The following CHST8 variants were observed in gnomAD, a reference collection of about 807,000 sequenced individuals.
CHST8 encodes GALNAC-4-ST1.
A neutral mutation model predicts 15.0 loss-of-function variants in CHST8; 10 were observed. The observed-to-expected ratio is 0.67, with a 90% CI of 0.41 to 1.13. The LOEUF (loss-of-function observed/expected upper bound fraction) is 1.13. Among genes scored for constraint, CHST8 ranks in the 50% most tolerant of loss-of-function variants. The pLI is 0.00. For synonymous variants in CHST8, 259 were observed against 256.6 expected (o/e 1.01, Z -0.09); for missense variants, 634 against 608.2 (o/e 1.04, Z -0.45).
chr19:33,637,619 G>T (rs1428184322), intron 1 of CHST8, among the ~76,000 whole-genome samples: 2 of 149,994 alleles, frequency 1.3e-5, no homozygotes, highest in African/African-American at 4.9e-5. Context: ...AGCCAGGATG[G>T]TCTCGATCTC....
Position 33,772,706 on chromosome 19 carries a change from G to A in CHST8, c.918G>A (p.Val306=). Residue 306 remains valine (V), a synonymous_variant, in exon 5 of 5, where the codon GTG becomes GTA. Coordinates refer to ENST00000650847, the MANE Select transcript of CHST8 (RefSeq NM_001127895.2). ...SREALRTGSG[V]RFPEFVQYLL... ...AGGCCCTGCGGACCGGCTCTGGGGT[G>A]CGTTTTCCCGAGTTCGTCCAGTACC... The A allele has an allele frequency of 6.2e-7, 1 of 1,613,480 alleles. No individual in the cohort carries two copies. Among genetic ancestry groups the A allele is most frequent in the Non-Finnish European group, 8.5e-7 (1 of 1,179,990 alleles).
intron 3 of CHST8, among the ~76,000 whole-genome samples, chr19:33,695,480 T>C (rs965261038): frequency 1.3e-5 from 2 of 152,138 alleles, no homozygotes; most frequent in Admixed American, 6.5e-5. Flanking sequence ...AGTTCTTTAG[T>C]GGTAAATTAG....
chr19:33,772,621 A>T lies in CHST8; in HGVS notation c.833A>T (p.Tyr278Phe). 1.9e-6 allele frequency: 3 copies of T among 1,613,986 alleles called. No individual in the cohort carries two copies. Among genetic ancestry groups the T allele is most frequent in the South Asian group, 2.2e-5 (2 of 91,080 alleles). The change falls in exon 5 of 5, where the codon TAC (tyrosine) becomes TTC (phenylalanine). Residue 278 changes from tyrosine to phenylalanine, a missense_variant. Physicochemically the swap from Tyr to Phe is conservative, Grantham distance 22. Coordinates refer to ENST00000650847, the MANE Select transcript of CHST8 (RefSeq NM_001127895.2). ...GACAAGTTTGAGCACCCCAACAGCTACTATCACCCGGTCTTCGGCAAGGCC... is the reference window on the plus strand; with the variant it reads ...GACAAGTTTGAGCACCCCAACAGCTTCTATCACCCGGTCTTCGGCAAGGCC... Reference protein sequence around the residue: ...FRDKFEHPNSYYHPVFGKAIL... With the variant: ...FRDKFEHPNSFYHPVFGKAIL...
intron 3 of CHST8, among the ~76,000 whole-genome samples, chr19:33,743,989 C>T (rs1974259500): frequency 6.6e-6 from 1 of 151,964 alleles, no homozygotes; most frequent in South Asian, 2.1e-4. Flanking sequence ...CAGGGTTTCA[C>T]CATGTTGACC....
At chr19:33,683,440 G>A (rs540987615) in intron 2 of CHST8, among the ~76,000 whole-genome samples, 10 of 152,136 alleles carry the variant, frequency 6.6e-5, no homozygotes, top group Non-Finnish European at 1.0e-4. Context: ...AGCGGGCCTC[G>A]GGTATTTCAA....
rs149352917 is a variant in CHST8, at chr19:33,638,899, G to T, written c.-164+16603G>T. Among the ~76,000 whole-genome samples, 9 of 152,240 alleles carry T rather than the reference G, an allele frequency of 5.9e-5. No individual in the cohort carries two copies. In the East Asian group the frequency reaches 1.6e-3, roughly 26 times the overall value. On this transcript the variant is annotated intron_variant, in intron 1 of 4. Transcript: ENST00000650847. The stretch of plus-strand genomic sequence containing the variant: ...TCCCTGGTCCATCAGGCAAGAGCTT[G>T]AGGGAGAGGATGTGGATGGGGGGCA...
At chr19:33,677,159 A>AG (rs11331472) in intron 2 of CHST8, among the ~76,000 whole-genome samples, 119 of 151,230 alleles carry the variant, frequency 7.9e-4, no homozygotes, top group Non-Finnish European at 1.3e-3. Context: ...ATCAGCCGGC[A>AG]GGGGGGGGCA....
chr19:33,643,243 T>G (rs1428381563), intron 1 of CHST8, among the ~76,000 whole-genome samples: 1 of 152,174 alleles, frequency 6.6e-6, no homozygotes, highest in Non-Finnish European at 1.5e-5. Context: ...GGAATCTTTG[T>G]TTTTTATTTT....
chr19:33,736,883 A>G (rs183242858), intron 3 of CHST8, among the ~76,000 whole-genome samples: 5 of 152,156 alleles, frequency 3.3e-5, no homozygotes, highest in African/African-American at 4.8e-5. Context: ...CAGGACCCTG[A>G]TGAAAAAACA....
intron 2 of CHST8, among the ~76,000 whole-genome samples, chr19:33,679,163 T>C (rs533630476): frequency 6.6e-6 from 1 of 152,362 alleles, no homozygotes; most frequent in South Asian, 2.1e-4. Flanking sequence ...ACTCACAGAC[T>C]CCTCTCTGTC....
At chr19:33,690,649 T>G (rs902117379) in intron 3 of CHST8, among the ~76,000 whole-genome samples, 22 of 152,176 alleles carry the variant, frequency 1.4e-4, no homozygotes, top group Non-Finnish European at 2.9e-4. Context: ...CTCACGCCTG[T>G]GCCGGGCCCC....
At chr19:33,706,650 T>C (rs1973453669) in intron 3 of CHST8, among the ~76,000 whole-genome samples, 1 of 152,198 alleles carries the variant, frequency 6.6e-6, no homozygotes, top group Admixed American at 6.5e-5. Context: ...CCAATTATTG[T>C]AACCCCTTGC....
At chr19:33,658,916 T>C (rs1483340074) in intron 1 of CHST8, among the ~76,000 whole-genome samples, 1 of 151,144 alleles carries the variant, frequency 6.6e-6, no homozygotes. Flanking sequence ...CATTTAAACA[T>C]TTATTATTTT....
Position 33,651,958 on chromosome 19 carries a change from AT to A in CHST8, c.-163-15801del, listed in dbSNP as rs148108081. Among the ~76,000 whole-genome samples the A allele has an allele frequency of 6.6e-5, 10 of 151,672 alleles. No individual in the cohort carries two copies. In the East Asian group the frequency reaches 1.5e-3, roughly 23 times the overall value. Reference sequence around the variant, plus strand: ...ATTGTTTGTATCTTCTATATTCTTAATTTTTTTTGGCTGCTTAATTTATCAA... The same window carrying A: ...ATTGTTTGTATCTTCTATATTCTTAATTTTTTTGGCTGCTTAATTTATCAA... On this transcript the variant is annotated intron_variant, in intron 1 of 4. Coordinates refer to ENST00000650847, the MANE Select transcript of CHST8 (RefSeq NM_001127895.2).
rs554506937 is a variant in CHST8, at chr19:33,625,298, G to A, written c.-164+3002G>A. 2.5e-3 allele frequency among the ~76,000 whole-genome samples: 358 copies of A among 145,344 alleles called. 9 individuals are homozygous for A. The highest frequency in any genetic ancestry group is 8.2e-3 in the African/African-American group (335 of 40,724). ...GGGTTTCACCATATTGGCCAGGATGGTCTCGATCTCCTGACCTCGTGATCC... is the reference window on the plus strand; with the variant it reads ...GGGTTTCACCATATTGGCCAGGATGATCTCGATCTCCTGACCTCGTGATCC... On this transcript the variant is annotated intron_variant, in intron 1 of 4. Transcript: ENST00000650847.
At chr19:33,754,501 CT>C (rs1384713511) in intron 3 of CHST8, among the ~76,000 whole-genome samples, 1 of 152,192 alleles carries the variant, frequency 6.6e-6, no homozygotes, top group Non-Finnish European at 1.5e-5. Flanking sequence ...CTCTCATCCC[CT>C]TTCCCTCTGT....
chr19:33,702,977 C>T (rs1973373108), intron 3 of CHST8, among the ~76,000 whole-genome samples: 1 of 152,186 alleles, frequency 6.6e-6, no homozygotes, highest in South Asian at 2.1e-4. Flanking sequence ...ACTTCTTTTC[C>T]CTCCTCCTGT....
chr19:33,631,492 G>A (rs1042204779), intron 1 of CHST8, among the ~76,000 whole-genome samples: 2 of 152,050 alleles, frequency 1.3e-5, no homozygotes, highest in Non-Finnish European at 2.9e-5. Flanking sequence ...GCCATCCCTC[G>A]CGACAGCCAC....
intron 3 of CHST8, among the ~76,000 whole-genome samples, chr19:33,758,607 G>A (rs996910767): frequency 1.3e-4 from 20 of 152,206 alleles, no homozygotes; most frequent in African/African-American, 4.3e-4. Context: ...GCATCCCAAG[G>A]CCGGCTGGAG....
Sources: allele counts gnomAD v4.1 joint callset (sites outside exome capture counted in the v4.1 genomes callset), GRCh38; gene constraint gnomAD v4.1.1; transcripts MANE v1.5; gene names NCBI Gene and HGNC (gene_info 2026-07-23, HGNC 2026-07-21).